Variants in CDHR3 observed in about 807,000 individuals in gnomAD.
CDHR3 encodes cadherin-related family member 3.
In CDHR3, 79 loss-of-function variants were observed where a neutral mutation model predicts 86.6. That is an observed-to-expected ratio of 0.91 (90% CI 0.76 to 1.10). CDHR3 has a LOEUF of 1.10. Among genes scored for constraint, CDHR3 ranks in the 50% least tolerant of loss-of-function variants. The pLI, the probability that CDHR3 is intolerant of heterozygous loss-of-function variation, is 0.00. For missense variants in CDHR3, 1,081 were observed against 1,077.6 expected (o/e 1.00, Z -0.04); for synonymous variants, 421 against 402.4 (o/e 1.05, Z -0.55).
At chr7:105,992,164 T>C (rs1585631871) in intron 4 of CDHR3, among the ~76,000 whole-genome samples, 4 of 152,016 alleles carry the variant, frequency 2.6e-5, no homozygotes, top group Admixed American at 2.0e-4. Flanking sequence ...CTGTCTGCAT[T>C]CTCTGTATCC....
At chr7:106,032,259 T>G (rs1333088050) in intron 18 of CDHR3, 134 bp from the exon 19 acceptor site, 1 of 840,838 alleles carries the variant, frequency 1.2e-6, no homozygotes, top group African/African-American at 1.7e-5. Flanking sequence ...ACCTACTGTC[T>G]GTGTCAGTGA....
At chr7:105,981,240 G>A in intron 3 of CDHR3, 107 bp downstream of exon 3, 1 of 1,083,598 alleles carries the variant, frequency 9.2e-7, no homozygotes, top group Non-Finnish European at 1.3e-6. Flanking sequence ...CTGTTTCCCT[G>A]GAAAAGGCAG....
chr7:106,003,617 C>G (rs1833512366), intron 7 of CDHR3, among the ~76,000 whole-genome samples: 1 of 152,108 alleles, frequency 6.6e-6, no homozygotes, highest in Non-Finnish European at 1.5e-5. Context: ...CTGCCTGATT[C>G]CTCGGGCCTG....
intron 12 of CDHR3, among the ~76,000 whole-genome samples, chr7:106,019,818 A>G (rs553038395): frequency 1.8e-4 from 27 of 152,328 alleles, no homozygotes; most frequent in Admixed American, 4.6e-4. Context: ...GGGAACATCA[A>G]TGAGGGCCCT....
chr7:106,016,559 C>T (rs1248495154), intron 11 of CDHR3, among the ~76,000 whole-genome samples: 1 of 152,170 alleles, frequency 6.6e-6, no homozygotes, highest in African/African-American at 2.4e-5. Context: ...TCCAGCTTCA[C>T]TTTCTGCCTC....
Position 105,980,954 on chromosome 7 carries a change from G to T in CDHR3, c.250-14G>T. On this transcript the variant is annotated splice_polypyrimidine_tract_variant and intron_variant, in intron 2 of 18. Transcript: ENST00000317716. ...CTTTCACATGGTTACTAAGAATTTT[G>T]CATTTTGTTTTAGGTTGTCACCACT... The T allele has an allele frequency of 6.3e-7, 1 of 1,593,654 alleles. No individual in the cohort carries two copies. The highest frequency in any genetic ancestry group is 1.1e-5 in the South Asian group (1 of 87,686).
intron 8 of CDHR3, among the ~76,000 whole-genome samples, chr7:106,008,255 T>G (rs1834242205): frequency 6.6e-6 from 1 of 152,056 alleles, no homozygotes; most frequent in South Asian, 2.1e-4. Flanking sequence ...AGTTGGCCAA[T>G]GGGGAGTCCT....
chr7:105,998,532 C>T (rs1226676355), intron 6 of CDHR3, among the ~76,000 whole-genome samples: 2 of 152,148 alleles, frequency 1.3e-5, no homozygotes, highest in African/African-American at 2.4e-5. Context: ...TGGCTCACGC[C>T]TGTAATCCCA....
chr7:106,004,605 G>C lies in CDHR3; in HGVS notation c.970G>C (p.Gly324Arg). The change falls in exon 8 of 19, where the codon GGT becomes CGT. Residue 324 changes from glycine (G) to arginine (R), a missense_variant. Physicochemically the swap from Gly to Arg is moderately radical, Grantham distance 125. Transcript: ENST00000317716. ...EVLVKDRPYGGQENRIQITFI... is the reference protein window; with the variant it reads ...EVLVKDRPYGRQENRIQITFI... ...TCTAGTGAAGGACAGACCATATGGG[G>C]GTCAGGAGAATCGCATCCAGATAAC... is the stretch of plus-strand genomic sequence containing the variant. 1 of 1,613,952 alleles carries C rather than the reference G, an allele frequency of 6.2e-7. No individual in the cohort carries two copies. Among genetic ancestry groups the C allele is most frequent in the Middle Eastern group, 1.6e-4 (1 of 6,062 alleles).
At chr7:105,973,828 A>C (rs1254500621) in intron 1 of CDHR3, among the ~76,000 whole-genome samples, 1 of 152,144 alleles carries the variant, frequency 6.6e-6, no homozygotes. Context: ...TTAGCCAGGC[A>C]TGGTGGAGCA....
intron 16 of CDHR3, 94 bp downstream of exon 16, chr7:106,026,789 G>A (rs761039348): frequency 2.9e-5 from 38 of 1,307,634 alleles, no homozygotes; most frequent in Non-Finnish European, 3.9e-5. Context: ...ATCAGGCCGC[G>A]ATCACATCTT....
intron 7 of CDHR3, among the ~76,000 whole-genome samples, chr7:106,004,018 A>C (rs1833599221): frequency 1.3e-5 from 2 of 151,872 alleles, no homozygotes; most frequent in African/African-American, 4.8e-5. Flanking sequence ...AAAAGAAAGA[A>C]AAAAAAGGCA....
At chr7:105,997,205 C>G (rs892998708) in intron 6 of CDHR3, among the ~76,000 whole-genome samples, 10 of 152,296 alleles carry the variant, frequency 6.6e-5, no homozygotes, top group South Asian at 6.2e-4. Flanking sequence ...AGAGGACTTG[C>G]AAAACTACTC....
Position 106,015,092 on chromosome 7 carries a change from T to C in CDHR3, c.1225-19T>C, listed in dbSNP as rs766460193. Reference sequence around the variant, plus strand: ...GGATTGTTTAATCTGTATAATCTACTATCTCTGTTTTAATCTAGCTGATTG... The same window carrying C: ...GGATTGTTTAATCTGTATAATCTACCATCTCTGTTTTAATCTAGCTGATTG... On this transcript the variant is annotated intron_variant, in intron 9 of 18. Transcript: ENST00000317716. The C allele has an allele frequency of 1.3e-6, 2 of 1,561,206 alleles. No individual in the cohort carries two copies. The highest frequency in any genetic ancestry group is 1.7e-6 in the Non-Finnish European group (2 of 1,143,134).
intron 16 of CDHR3, among the ~76,000 whole-genome samples, chr7:106,028,245 T>C (rs1837680005): frequency 6.6e-6 from 1 of 152,170 alleles, no homozygotes. Context: ...CCCATCTTTC[T>C]TTCTTATCTT....
intron 2 of CDHR3, among the ~76,000 whole-genome samples, chr7:105,978,999 C>T (rs1326112919): frequency 6.6e-6 from 1 of 152,166 alleles, no homozygotes; most frequent in Non-Finnish European, 1.5e-5. Flanking sequence ...CAGAAGTCCA[C>T]CTGCTCTGGT....
intron 1 of CDHR3, among the ~76,000 whole-genome samples, chr7:105,965,088 T>A (rs1321260441): frequency 6.6e-6 from 1 of 152,218 alleles, no homozygotes; most frequent in Non-Finnish European, 1.5e-5. Flanking sequence ...CAAGAAATAC[T>A]TGAGATTTCT....
chr7:105,983,911 C>G (rs1445838589), intron 3 of CDHR3, among the ~76,000 whole-genome samples: 2 of 152,166 alleles, frequency 1.3e-5, no homozygotes, highest in Non-Finnish European at 2.9e-5. Context: ...CTCCTTCTTC[C>G]CCCACCTCAA....
At chr7:105,993,044 G>A (rs914681688) in intron 4 of CDHR3, among the ~76,000 whole-genome samples, 3 of 152,176 alleles carry the variant, frequency 2.0e-5, no homozygotes, top group Non-Finnish European at 2.9e-5. Flanking sequence ...ACAGCAAATC[G>A]CTGGGTTGGA....
Sources: gnomAD v4.1 joint callset for allele counts (sites outside exome capture counted in the v4.1 genomes callset) on GRCh38, gnomAD v4.1.1 for gene constraint, MANE v1.5 for transcripts, NCBI Gene and HGNC (gene_info 2026-07-23, HGNC 2026-07-21) for gene names.